Variants in RELN observed in about 807,000 individuals in gnomAD.
The protein encoded by RELN is reelin.
In RELN, 108 loss-of-function variants were observed where a neutral mutation model predicts 427.6. That is an observed-to-expected ratio of 0.25 (90% CI 0.22 to 0.30). RELN has a LOEUF of 0.30. Ranked by LOEUF, RELN falls within the 10% of genes least tolerant of loss-of-function variation. RELN has a pLI of 1.00. For missense variants in RELN, 3,715 were observed against 4,302.8 expected (o/e 0.86, Z 3.82); for synonymous variants, 1,524 against 1,513.4 (o/e 1.01, Z -0.16).
chr7:103,973,326 C>T (rs1796803177), intron 1 of RELN, among the ~76,000 whole-genome samples: 1 of 152,026 alleles, frequency 6.6e-6, no homozygotes, highest in South Asian at 2.1e-4. Flanking sequence ...GAGATAAGCC[C>T]ACTAACAATG....
intron 46 of RELN, among the ~76,000 whole-genome samples, chr7:103,528,433 G>A (rs964682156): frequency 6.6e-6 from 1 of 151,788 alleles, no homozygotes; most frequent in Non-Finnish European, 1.5e-5. Flanking sequence ...TTTTAGTGGG[G>A]ACAAAATATT....
intron 4 of RELN, among the ~76,000 whole-genome samples, chr7:103,770,226 A>C (rs1401741361): frequency 6.6e-6 from 1 of 152,172 alleles, no homozygotes; most frequent in African/African-American, 2.4e-5. Context: ...CTGGGACTAC[A>C]GGCATGTGCC....
At chr7:103,801,412 G>A (rs889635337) in intron 3 of RELN, among the ~76,000 whole-genome samples, 1 of 152,172 alleles carries the variant, frequency 6.6e-6, no homozygotes, top group Non-Finnish European at 1.5e-5. Flanking sequence ...TAAAAAGGAT[G>A]AGTTCATGTC....
intron 27 of RELN, among the ~76,000 whole-genome samples, chr7:103,590,483 C>T (rs1831384609): frequency 6.6e-6 from 1 of 152,032 alleles, no homozygotes; most frequent in African/African-American, 2.4e-5. Context: ...TTGCTTGAAC[C>T]TGGGAGGCGG....
At chr7:103,540,112 GC>G in intron 44 of RELN, 84 bp downstream of exon 44, 1 of 1,484,380 alleles carries the variant, frequency 6.7e-7, no homozygotes, top group Non-Finnish European at 9.4e-7. Flanking sequence ...CATCTACTGA[GC>G]AAGCAGGTTG....
chr7:103,914,092 A>T (rs1190379158), intron 2 of RELN, among the ~76,000 whole-genome samples: 2 of 152,204 alleles, frequency 1.3e-5, no homozygotes, highest in Admixed American at 6.5e-5. Context: ...TAATTCAAGT[A>T]CAAATCGACT....
At chr7:103,559,287 G>A (rs1027883010) in intron 36 of RELN, among the ~76,000 whole-genome samples, 15 of 152,160 alleles carry the variant, frequency 9.9e-5, no homozygotes, top group African/African-American at 3.6e-4. Context: ...TTGGTTTGGG[G>A]AGAAAAATAT....
intron 4 of RELN, among the ~76,000 whole-genome samples, chr7:103,770,589 A>G (rs1257573984): frequency 6.6e-6 from 1 of 152,262 alleles, no homozygotes; most frequent in East Asian, 1.9e-4. Flanking sequence ...ATTTGGAGAG[A>G]GGGAGAGAAA....
chr7:103,682,027 T>G (rs564243462), intron 11 of RELN, 89 bp downstream of exon 11: 2 of 1,260,268 alleles, frequency 1.6e-6, no homozygotes, highest in East Asian at 2.3e-5. Flanking sequence ...TAAGTATGCT[T>G]TCGCCATTTA....
intron 59 of RELN, among the ~76,000 whole-genome samples, chr7:103,490,347 C>T (rs141039235): frequency 4.6e-5 from 7 of 152,306 alleles, no homozygotes; most frequent in Non-Finnish European, 7.4e-5. Context: ...TGGGGCAGAA[C>T]TGGTGCCAAC....
intron 1 of RELN, among the ~76,000 whole-genome samples, chr7:103,959,150 C>A (rs926500606): frequency 6.6e-6 from 1 of 152,120 alleles, no homozygotes; most frequent in African/African-American, 2.4e-5. Flanking sequence ...GCCATGTTGG[C>A]CAGGCTGGTC....
intron 34 of RELN, among the ~76,000 whole-genome samples, chr7:103,564,090 G>A (rs1008115385): frequency 1.3e-5 from 2 of 152,190 alleles, no homozygotes; most frequent in African/African-American, 4.8e-5. Flanking sequence ...TAGTACCAGA[G>A]TGCTTAAAAC....
At chr7:103,532,723 C>T (rs985995816) in intron 46 of RELN, among the ~76,000 whole-genome samples, 1 of 152,160 alleles carries the variant, frequency 6.6e-6, no homozygotes, top group Non-Finnish European at 1.5e-5. Flanking sequence ...TACCCTTACA[C>T]TTTACCTGGT....
rs2117271796 is a variant in RELN, at chr7:103,603,466, A to G, written c.3171T>C (p.Thr1057=). Residue 1057 remains threonine (T), a synonymous_variant, in exon 24 of 65, where the codon ACT becomes ACC. Transcript: ENST00000428762. The surrounding 1 kb of genome is among the most constrained non-coding windows in gnomAD (Gnocchi z 4.3). Reference sequence around the variant, plus strand: ...GAAGGGCAGCTTCTGGGTGGCATTCAGTGCCTTGGTACCCCTGGTCACACC... The same window carrying G: ...GAAGGGCAGCTTCTGGGTGGCATTCGGTGCCTTGGTACCCCTGGTCACACC... ...ICRCDQGYQG[T]ECHPEAALPS... 1 of 1,613,910 alleles carries G rather than the reference A, an allele frequency of 6.2e-7. No individual in the cohort carries two copies. The highest frequency in any genetic ancestry group is 1.7e-5 in the Admixed American group (1 of 59,992).
At chr7:103,749,329 A>G in intron 6 of RELN, 97 bp downstream of exon 6, 1 of 937,306 alleles carries the variant, frequency 1.1e-6, no homozygotes, top group Non-Finnish European at 1.8e-6. Flanking sequence ...TTAGCACTAA[A>G]GATCAACTTA....
chr7:103,985,973 A>G (rs1797089547), intron 1 of RELN, among the ~76,000 whole-genome samples: 1 of 152,202 alleles, frequency 6.6e-6, no homozygotes, highest in South Asian at 2.1e-4. Flanking sequence ...CACACAAAAC[A>G]AAACAAAACA....
At chr7:103,540,858 G>A (rs1188562125) in intron 43 of RELN, among the ~76,000 whole-genome samples, 1 of 148,250 alleles carries the variant, frequency 6.7e-6, no homozygotes, top group Non-Finnish European at 1.5e-5. Context: ...GTTTGAAACG[G>A]GAAGAATGTA....
At chr7:103,772,463 G>T (rs1791593546) in intron 4 of RELN, among the ~76,000 whole-genome samples, 1 of 152,200 alleles carries the variant, frequency 6.6e-6, no homozygotes, top group Non-Finnish European at 1.5e-5. Context: ...AAGATTAGAT[G>T]AGTGCTTGGA....
At chr7:103,950,308 T>C (rs1397011425) in intron 1 of RELN, among the ~76,000 whole-genome samples, 3 of 152,194 alleles carry the variant, frequency 2.0e-5, no homozygotes, top group African/African-American at 7.2e-5. Context: ...CACCACAGCA[T>C]AGTTTCTACA....
Sources: gnomAD v4.1 joint callset for allele counts (sites outside exome capture counted in the v4.1 genomes callset) on GRCh38, gnomAD v4.1.1 for gene constraint, Gnocchi (gnomAD v3.1) non-coding constraint, MANE v1.5 for transcripts, NCBI Gene and HGNC (gene_info 2026-07-23, HGNC 2026-07-21) for gene names.